Variants in GULP1 observed in about 807,000 individuals in gnomAD.
GULP1 encodes PTB domain-containing engulfment adapter protein 1.
Under a neutral mutation model 40.9 loss-of-function variants are expected in GULP1, and 19 were observed. That is an observed-to-expected ratio of 0.46 (90% confidence interval 0.32 to 0.68). GULP1 has a LOEUF of 0.68. GULP1 is among the 30% of genes least tolerant of loss of function. GULP1 has a pLI of 0.03. For missense variants in GULP1, 312 were observed against 362.2 expected (o/e 0.86, Z 1.12); for synonymous variants, 119 against 117.6 (o/e 1.01, Z -0.08).
In GULP1 at chr2:188,398,102, A is replaced by G. The variant is rs535730416; in HGVS notation, c.-45+14213A>G. Among the ~76,000 whole-genome samples the G allele has an allele frequency of 1.1e-4, 17 of 152,362 alleles. No homozygotes were observed. The South Asian group carries it at 3.3e-3, about 30-fold the overall frequency. ...ATGTGTATTTAAAAGATACACACAG[A>G]GGAGAAGACCATGTAGAGACAGAGT... On this transcript the variant is annotated intron_variant, in intron 2 of 11. Transcript: ENST00000409830.
At chr2:188,398,747 A>G (rs1487170465) in intron 2 of GULP1, among the ~76,000 whole-genome samples, 1 of 152,198 alleles carries the variant, frequency 6.6e-6, no homozygotes, top group Non-Finnish European at 1.5e-5. Context: ...TAGAGGTCAC[A>G]TTCTTTATAA....
intron 2 of GULP1, among the ~76,000 whole-genome samples, chr2:188,470,352 C>T (rs2060487523): frequency 6.6e-6 from 1 of 152,152 alleles, no homozygotes; most frequent in Non-Finnish European, 1.5e-5. Flanking sequence ...TGCAGTTGCT[C>T]ATAGTAGCCA....
intron 6 of GULP1, among the ~76,000 whole-genome samples, chr2:188,540,433 A>AAT (rs143717302): frequency 0.92 from 136,468 of 149,014 alleles, 62,853 homozygotes; most frequent in South Asian, 0.99. Flanking sequence ...TTTATAATTT[A>AAT]ATATGTGTGT....
In GULP1 at chr2:188,541,611, A is replaced by G. The variant is rs1055689155; in HGVS notation, c.399+293A>G. On this transcript the variant is annotated intron_variant, in intron 7 of 11. Coordinates refer to ENST00000409830, the MANE Select transcript of GULP1 (RefSeq NM_016315.4). The stretch of plus-strand genomic sequence containing the variant: ...CATGTATTTTATAATAATTTAATCT[A>G]TTTTACAATTTTAAACTCAAATATG... 2.8e-5 allele frequency: 15 copies of G among 532,238 alleles called. No homozygotes were observed. In the South Asian group the frequency reaches 3.5e-4, roughly 12 times the overall value. 33.0% of individuals were successfully genotyped at this position (532,238 alleles called of 1,614,324 possible). A position where few individuals can be genotyped will look rare whatever the true frequency, so the allele number is the denominator to read the frequency against.
intron 2 of GULP1, among the ~76,000 whole-genome samples, chr2:188,389,742 G>GT (rs2050264135): frequency 6.6e-6 from 1 of 152,056 alleles, no homozygotes; most frequent in African/African-American, 2.4e-5. Flanking sequence ...CCAATATGTA[G>GT]TTTTTTATTC....
chr2:188,407,130 C>T (rs947344906), intron 2 of GULP1, among the ~76,000 whole-genome samples: 1 of 151,962 alleles, frequency 6.6e-6, no homozygotes, highest in Non-Finnish European at 1.5e-5. Context: ...AAAAAACTGC[C>T]AACCAAGAAT....
At chr2:188,367,260 GTGTCTGTGTGA>G (rs1205117036) in intron 1 of GULP1, among the ~76,000 whole-genome samples, 1 of 152,160 alleles carries the variant, frequency 6.6e-6, no homozygotes, top group Non-Finnish European at 1.5e-5. Flanking sequence ...GTATTTGTCT[GTGTCTGTGTGA>G]ACTGGTCACG....
intron 11 of GULP1, chr2:188,589,613 G>T: frequency 2.3e-6 from 1 of 443,108 alleles, no homozygotes; most frequent in South Asian, 6.7e-5. Context: ...CCAAGTGTGA[G>T]ACACAATGTA....
At chr2:188,504,079 TA>T (rs2063690253) in intron 4 of GULP1, among the ~76,000 whole-genome samples, 2 of 151,840 alleles carry the variant, frequency 1.3e-5, no homozygotes. Flanking sequence ...ATCTCAAAAG[TA>T]ATGCTAAAAA....
At chr2:188,347,265 TATTC>T (rs1380677117) in intron 1 of GULP1, among the ~76,000 whole-genome samples, 2 of 152,148 alleles carry the variant, frequency 1.3e-5, no homozygotes, top group African/African-American at 4.8e-5. Context: ...TTAAGTAACT[TATTC>T]AAGTGTATGT....
chr2:188,320,042 C>G (rs2039733105), intron 1 of GULP1, among the ~76,000 whole-genome samples: 1 of 151,972 alleles, frequency 6.6e-6, no homozygotes, highest in Admixed American at 6.6e-5. Context: ...CACTAGACAC[C>G]AGCACAGTGC....
chr2:188,386,950 T>C (rs2049849706), intron 2 of GULP1, among the ~76,000 whole-genome samples: 1 of 152,108 alleles, frequency 6.6e-6, no homozygotes, highest in South Asian at 2.1e-4. Context: ...AAAGTGAATG[T>C]TATATGGCCG....
intron 4 of GULP1, among the ~76,000 whole-genome samples, chr2:188,492,738 T>C (rs1165962859): frequency 1.3e-5 from 2 of 152,046 alleles, no homozygotes; most frequent in Non-Finnish European, 2.9e-5. Flanking sequence ...TTGAAGGTGT[T>C]ACCAAATTTT....
chr2:188,463,838 A>G (rs1265984721), intron 2 of GULP1, among the ~76,000 whole-genome samples: 1 of 152,078 alleles, frequency 6.6e-6, no homozygotes, highest in Non-Finnish European at 1.5e-5. Flanking sequence ...CAGCTCCAGA[A>G]TTTCTGCTTG....
intron 1 of GULP1, among the ~76,000 whole-genome samples, chr2:188,357,583 T>C (rs2045515514): frequency 6.6e-6 from 1 of 152,112 alleles, no homozygotes; most frequent in African/African-American, 2.4e-5. Flanking sequence ...ATGAGTACTT[T>C]TATAATCTTT....
At chr2:188,504,044 A>G (rs1045007123) in intron 4 of GULP1, among the ~76,000 whole-genome samples, 7 of 151,838 alleles carry the variant, frequency 4.6e-5, no homozygotes, top group African/African-American at 1.5e-4. Flanking sequence ...GATAATTACC[A>G]TTCCTTAATT....
At chr2:188,470,735 G>C (rs979190984) in intron 2 of GULP1, among the ~76,000 whole-genome samples, 15 of 152,126 alleles carry the variant, frequency 9.9e-5, no homozygotes, top group African/African-American at 3.4e-4. Context: ...AATTCTTCTT[G>C]TTATTGATTT....
chr2:188,593,894 T>C, intron 11 of GULP1, 46 bp from the exon 12 acceptor site: 1 of 1,026,758 alleles, frequency 9.7e-7, no homozygotes, highest in Non-Finnish European at 1.5e-6. Flanking sequence ...TGATTTTATT[T>C]TGCTGTAAGC....
intron 2 of GULP1, among the ~76,000 whole-genome samples, chr2:188,457,799 A>G (rs991897613): frequency 6.6e-6 from 1 of 152,192 alleles, no homozygotes; most frequent in African/African-American, 2.4e-5. Flanking sequence ...CTACTTAAGC[A>G]AACAATATGG....
Sources: allele counts gnomAD v4.1 joint callset (sites outside exome capture counted in the v4.1 genomes callset), GRCh38; gene constraint gnomAD v4.1.1; transcripts MANE v1.5; gene names NCBI Gene and HGNC (gene_info 2026-07-23, HGNC 2026-07-21).